Variants in STPG2 observed in about 807,000 individuals in gnomAD.
STPG2 encodes the protein sperm tail PG-rich repeat containing 2.
STPG2 carries 56 observed loss-of-function variants against 54.2 expected under a neutral mutation model. That is an observed-to-expected ratio of 1.03 (90% CI 0.83 to 1.29). The LOEUF (loss-of-function observed/expected upper bound fraction) is 1.29, where lower values mean the gene tolerates loss of function less well. Among genes scored for constraint, STPG2 ranks in the 50% most tolerant of loss-of-function variants. STPG2 has a pLI of 0.00. For missense variants in STPG2, 596 were observed against 544.9 expected (o/e 1.09, Z -0.93); for synonymous variants, 200 against 181.8 (o/e 1.10, Z -0.81).
intron 10 of STPG2, among the ~76,000 whole-genome samples, chr4:97,642,026 T>C (rs1245271226): frequency 1.3e-5 from 2 of 151,504 alleles, no homozygotes; most frequent in African/African-American, 4.8e-5. Context: ...CTCTAACCAA[T>C]AAATCATAAA....
At chr4:97,928,439 G>A (rs12503239) in intron 8 of STPG2, among the ~76,000 whole-genome samples, 6,518 of 152,160 alleles carry the variant, frequency 0.043, 234 homozygotes, top group Admixed American at 0.13. Context: ...CATTCCAAAT[G>A]CATATTAAAT....
At chr4:97,486,804 GGTGTGTGT>G (rs546341277) in intron 4 of STPG2, among the ~76,000 whole-genome samples, 2 of 130,896 alleles carry the variant, frequency 1.5e-5, no homozygotes, top group South Asian at 2.7e-4. Flanking sequence ...AAGAAACTGT[GGTGTGTGT>G]GTGTGTGTGT....
At chr4:97,500,540 T>G (rs1010235921) in intron 4 of STPG2, among the ~76,000 whole-genome samples, 14 of 152,036 alleles carry the variant, frequency 9.2e-5, no homozygotes, top group Non-Finnish European at 5.9e-5. Flanking sequence ...ACCAAGGTTG[T>G]GAGAAATAGA....
chr4:97,966,335 A>AG (rs1347091490), intron 7 of STPG2, among the ~76,000 whole-genome samples: 2 of 152,120 alleles, frequency 1.3e-5, no homozygotes, highest in Admixed American at 1.3e-4. Flanking sequence ...AAAAAGAGTA[A>AG]AAGGAACCAA....
At chr4:97,934,710 G>T (rs755631735) in intron 8 of STPG2, among the ~76,000 whole-genome samples, 21 of 152,122 alleles carry the variant, frequency 1.4e-4, no homozygotes, top group Non-Finnish European at 2.9e-5. Context: ...GGATGAAGCC[G>T]ACATGACCGT....
At chr4:97,772,722 A>T (rs1193223866) in intron 9 of STPG2, among the ~76,000 whole-genome samples, 1 of 152,192 alleles carries the variant, frequency 6.6e-6, no homozygotes, top group African/African-American at 2.4e-5. Flanking sequence ...TATAACAATA[A>T]AATAAAAACA....
chr4:97,690,015 G>A (rs922782766), intron 10 of STPG2, among the ~76,000 whole-genome samples: 1 of 152,042 alleles, frequency 6.6e-6, no homozygotes, highest in Admixed American at 6.6e-5. Context: ...TCAGAGTTCA[G>A]GGGACTGAAA....
At chr4:97,477,487 T>G (rs951721454) in intron 4 of STPG2, among the ~76,000 whole-genome samples, 11 of 148,754 alleles carry the variant, frequency 7.4e-5, no homozygotes, top group African/African-American at 2.0e-4. Flanking sequence ...TTTTTTTTTT[T>G]TTTTTTTGAG....
chr4:97,640,183 T>A (rs939887643), intron 10 of STPG2, among the ~76,000 whole-genome samples: 11 of 152,002 alleles, frequency 7.2e-5, no homozygotes, highest in African/African-American at 2.4e-4. Context: ...CTTCACTGAG[T>A]AAATGAACAC....
chr4:97,962,985 C>T (rs1485274650), intron 7 of STPG2, among the ~76,000 whole-genome samples: 5 of 152,050 alleles, frequency 3.3e-5, no homozygotes, highest in African/African-American at 7.2e-5. Context: ...ATGGTGAAAC[C>T]CCATCTCTAC....
chr4:97,899,207 G>A (rs952874266), intron 8 of STPG2, among the ~76,000 whole-genome samples: 1 of 151,828 alleles, frequency 6.6e-6, no homozygotes, highest in South Asian at 2.1e-4. Context: ...AATCAAAAAT[G>A]TAATCTTATT....
At chr4:98,118,934 T>C (rs1487053885) in intron 3 of STPG2, among the ~76,000 whole-genome samples, 4 of 152,240 alleles carry the variant, frequency 2.6e-5, no homozygotes, top group Non-Finnish European at 2.9e-5. Context: ...TCCATACTGA[T>C]ATAAATATAT....
intron 5 of STPG2, among the ~76,000 whole-genome samples, chr4:98,030,675 C>G (rs1051976364): frequency 1.3e-5 from 2 of 151,874 alleles, no homozygotes; most frequent in Admixed American, 1.3e-4. Flanking sequence ...GATACTGGTA[C>G]AAAAAAATAG....
At chr4:97,911,978 A>G (rs1251812523) in intron 8 of STPG2, among the ~76,000 whole-genome samples, 1 of 152,180 alleles carries the variant, frequency 6.6e-6, no homozygotes, top group South Asian at 2.1e-4. Context: ...CTCCCTGAGG[A>G]AGGAGCAGGC....
At chr4:97,723,394 G>A (rs1341745728) in intron 9 of STPG2, among the ~76,000 whole-genome samples, 2 of 151,942 alleles carry the variant, frequency 1.3e-5, no homozygotes, top group Admixed American at 6.6e-5. Flanking sequence ...TTGGGATGAC[G>A]GATTCAATGG....
At chr4:97,865,102 T>A (rs1488374374) in intron 8 of STPG2, among the ~76,000 whole-genome samples, 1 of 152,080 alleles carries the variant, frequency 6.6e-6, no homozygotes, top group Non-Finnish European at 1.5e-5. Context: ...GGGATCTCAT[T>A]AAACTAAAGA....
At chr4:98,041,980 G>T (rs1033607569) in intron 5 of STPG2, among the ~76,000 whole-genome samples, 6 of 151,728 alleles carry the variant, frequency 4.0e-5, no homozygotes, top group African/African-American at 1.5e-4. Context: ...TCTTTTCTTA[G>T]GAGATTTTTT....
Position 98,115,232 on chromosome 4 carries a change from G to A in STPG2, c.388-5927C>T, listed in dbSNP as rs1739483084. On this transcript the variant is annotated intron_variant, in intron 3 of 10. Coordinates refer to ENST00000295268, the MANE Select transcript of STPG2 (RefSeq NM_174952.3). Reference sequence around the variant, plus strand: ...TGTGAAGAATTAAAAGGCCCAAAGTGCAATAATTCAAACACTAATGAACTG... The same window carrying A: ...TGTGAAGAATTAAAAGGCCCAAAGTACAATAATTCAAACACTAATGAACTG... Among the ~76,000 whole-genome samples, 4 of 152,050 alleles carry A rather than the reference G, an allele frequency of 2.6e-5. No homozygotes were observed. The Middle Eastern group carries it at 0.014, about 517-fold the overall frequency.
At chr4:98,130,323 G>C (rs4699327) in intron 2 of STPG2, among the ~76,000 whole-genome samples, 59,316 of 151,648 alleles carry the variant, frequency 0.39, 11,828 homozygotes, top group Middle Eastern at 0.45. Flanking sequence ...TTACAGGCAT[G>C]TGCCACCATG....
Sources: allele counts gnomAD v4.1 joint callset (sites outside exome capture counted in the v4.1 genomes callset), GRCh38; gene constraint gnomAD v4.1.1; transcripts MANE v1.5; gene names NCBI Gene and HGNC (gene_info 2026-07-23, HGNC 2026-07-21).